KDM4C: variants seen among roughly 807,000 people sequenced by gnomAD.
KDM4C encodes the protein lysine-specific demethylase 4C.
Under a neutral mutation model 129.3 loss-of-function variants are expected in KDM4C, and 81 were observed. The ratio of observed to expected loss-of-function variants is 0.63; its 90% CI spans 0.52 to 0.75. KDM4C has a LOEUF of 0.75. KDM4C is among the 30% of genes least tolerant of loss of function. KDM4C has a pLI of 0.00. For missense variants in KDM4C, 1,457 were observed against 1,304.0 expected, an observed-to-expected ratio of 1.12 and a Z score of -1.81; for synonymous variants, 573 against 456.1, an observed-to-expected ratio of 1.26 and a Z score of -3.26.
intron 12 of KDM4C, among the ~76,000 whole-genome samples, chr9:6,998,299 C>T (rs818893): frequency 6.6e-6 from 1 of 152,028 alleles, no homozygotes; most frequent in African/African-American, 2.4e-5. Context: ...TTTAAATATA[C>T]AGACAGAAGA....
intron 5 of KDM4C, among the ~76,000 whole-genome samples, chr9:6,859,151 G>A (rs1840460461): frequency 1.3e-5 from 2 of 152,092 alleles, no homozygotes; most frequent in Non-Finnish European, 2.9e-5. Context: ...GTCCTTTGAT[G>A]TTTGCCAGGA....
In KDM4C at chr9:6,799,383, C is replaced by G. The variant is rs181428201; in HGVS notation, c.145-6216C>G. 3.7e-3 allele frequency among the ~76,000 whole-genome samples: 563 copies of G among 152,288 alleles called. 1 individual carries two copies. Among genetic ancestry groups the G allele is most frequent in the African/African-American group, 0.013 (541 of 41,562 alleles). ...CTGGAGACCAGCCCGGCCAACACAGCGAAACCCCGTCTCCACCAAAAAAAT... is the reference window on the plus strand; with the variant it reads ...CTGGAGACCAGCCCGGCCAACACAGGGAAACCCCGTCTCCACCAAAAAAAT... On this transcript the variant is annotated intron_variant, in intron 2 of 21. Transcript: ENST00000381309.
intron 8 of KDM4C, among the ~76,000 whole-genome samples, chr9:6,919,285 C>CTT (rs771981953): frequency 4.3e-5 from 2 of 46,890 alleles, no homozygotes; most frequent in African/African-American, 7.3e-5. Flanking sequence ...CTCTCTCTCT[C>CTT]TCTTTCTTTC....
At chr9:6,772,679 T>C (rs1438887742) in intron 1 of KDM4C, among the ~76,000 whole-genome samples, 3 of 149,486 alleles carry the variant, frequency 2.0e-5, no homozygotes, top group Admixed American at 6.7e-5. Flanking sequence ...TTTCTTTGAT[T>C]TTTTTTCTTT....
chr9:6,919,187 T>A (rs1004327832), intron 8 of KDM4C, among the ~76,000 whole-genome samples: 3 of 151,532 alleles, frequency 2.0e-5, no homozygotes, highest in Admixed American at 6.6e-5. Flanking sequence ...TTGCTTGTTG[T>A]TTTAAGTTTC....
At chr9:6,940,990 G>C (rs1160475857) in intron 8 of KDM4C, among the ~76,000 whole-genome samples, 4 of 150,718 alleles carry the variant, frequency 2.7e-5, no homozygotes, top group Admixed American at 1.3e-4. Context: ...TATTCACCCT[G>C]TTTAGACTGA....
chr9:7,108,014 G>C (rs1048763395), intron 18 of KDM4C, among the ~76,000 whole-genome samples: 15 of 152,178 alleles, frequency 9.9e-5, no homozygotes, highest in African/African-American at 3.4e-4. Flanking sequence ...TTTATGTCAA[G>C]TGTGTGTTAG....
intron 16 of KDM4C, among the ~76,000 whole-genome samples, chr9:7,048,528 A>G (rs538639445): frequency 7.8e-4 from 118 of 152,218 alleles, no homozygotes; most frequent in Non-Finnish European, 1.5e-3. Flanking sequence ...AGGGTATGAG[A>G]TAAACTTCAT....
intron 17 of KDM4C, among the ~76,000 whole-genome samples, chr9:7,102,489 G>A (rs1837213703): frequency 1.3e-5 from 2 of 152,004 alleles, no homozygotes; most frequent in South Asian, 2.1e-4. Flanking sequence ...TACACATTGG[G>A]AATCCATTAT....
intron 17 of KDM4C, among the ~76,000 whole-genome samples, chr9:7,087,378 A>G (rs1037609055): frequency 2.0e-5 from 3 of 152,156 alleles, no homozygotes; most frequent in Admixed American, 2.0e-4. Flanking sequence ...TAAAGGCTTC[A>G]TCTATCTGAG....
chr9:6,765,108 A>G (rs562253230), intron 1 of KDM4C, among the ~76,000 whole-genome samples: 1 of 152,170 alleles, frequency 6.6e-6, no homozygotes. Flanking sequence ...TCTTTCCAGC[A>G]TGATCTTTAA....
intron 8 of KDM4C, among the ~76,000 whole-genome samples, chr9:6,956,559 A>G (rs1432027688): frequency 2.0e-5 from 3 of 152,178 alleles, no homozygotes; most frequent in Non-Finnish European, 2.9e-5. Context: ...GTATTTGTAA[A>G]TAACATTATT....
chr9:6,984,542 C>G (rs1817349692), intron 10 of KDM4C, 138 bp downstream of exon 10: 1 of 638,460 alleles, frequency 1.6e-6, no homozygotes, highest in East Asian at 2.7e-5. Flanking sequence ...TCATGGGTAA[C>G]TCAACCAATA....
At chr9:7,158,772 A>G (rs1051244764) in intron 19 of KDM4C, among the ~76,000 whole-genome samples, 8 of 152,148 alleles carry the variant, frequency 5.3e-5, no homozygotes, top group African/African-American at 1.7e-4. Flanking sequence ...TATGTGGTCA[A>G]TTTTAGAATA....
chr9:6,784,806 TGGGGCCCAGGCCTGG>T (rs1171310244), intron 1 of KDM4C, among the ~76,000 whole-genome samples: 1 of 152,216 alleles, frequency 6.6e-6, no homozygotes, highest in Non-Finnish European at 1.5e-5. Context: ...CTTTCTAAGC[TGGGGCCCAGGCCTGG>T]GGGGCCCTTT....
intron 1 of KDM4C, among the ~76,000 whole-genome samples, chr9:6,779,545 C>G (rs1271188545): frequency 6.6e-6 from 1 of 152,186 alleles, no homozygotes; most frequent in Non-Finnish European, 1.5e-5. Flanking sequence ...AGTCAAGGTG[C>G]TATGAACTTG....
At chr9:6,931,055 C>A (rs1823636117) in intron 8 of KDM4C, among the ~76,000 whole-genome samples, 1 of 152,108 alleles carries the variant, frequency 6.6e-6, no homozygotes, top group Admixed American at 6.6e-5. Context: ...ATCAGGAGAA[C>A]CCTGGCATTT....
At chr9:7,102,218 T>C (rs1837171335) in intron 17 of KDM4C, among the ~76,000 whole-genome samples, 1 of 151,816 alleles carries the variant, frequency 6.6e-6, no homozygotes. Context: ...AAGTACCTAA[T>C]GTATAGGGTC....
At chr9:6,813,005 G>C (rs772789642) in intron 3 of KDM4C, among the ~76,000 whole-genome samples, 1 of 151,998 alleles carries the variant, frequency 6.6e-6, no homozygotes, top group Non-Finnish European at 1.5e-5. Flanking sequence ...GAGAAACCCC[G>C]TCTCTACTAA....
Sources: gnomAD v4.1 joint callset for allele counts (sites outside exome capture counted in the v4.1 genomes callset) on GRCh38, gnomAD v4.1.1 for gene constraint, MANE v1.5 for transcripts, NCBI Gene and HGNC (gene_info 2026-07-23, HGNC 2026-07-21) for gene names.